The following DCC variants were observed in gnomAD, a reference collection of about 807,000 sequenced individuals.
DCC encodes the protein netrin receptor DCC.
DCC carries 58 observed loss-of-function variants against 172.5 expected under a neutral mutation model. The observed-to-expected ratio is 0.34, with a 90% CI of 0.27 to 0.42. The LOEUF (loss-of-function observed/expected upper bound fraction) is 0.42. DCC is among the 10% of genes least tolerant of loss of function. The probability of loss-of-function intolerance (pLI) is 1.00; values close to 1 mark genes in which losing one functional copy is unlikely to be tolerated. For missense variants in DCC, 1,740 were observed against 1,791.0 expected, an observed-to-expected ratio of 0.97 and a Z score of 0.51; for synonymous variants, 709 against 644.5, an observed-to-expected ratio of 1.10 and a Z score of -1.52.
intron 24 of DCC, among the ~76,000 whole-genome samples, chr18:53,466,513 T>C (rs1336545031): frequency 1.3e-5 from 2 of 152,104 alleles, no homozygotes; most frequent in Admixed American, 6.6e-5. Context: ...AGGAGTAATA[T>C]TTGCATAGTT....
chr18:53,045,234 A>G (rs1281534786), intron 5 of DCC, among the ~76,000 whole-genome samples: 1 of 151,900 alleles, frequency 6.6e-6, no homozygotes, highest in Non-Finnish European at 1.5e-5. Flanking sequence ...ATTACATAAA[A>G]CATTTCCTCA....
chr18:53,075,165 GC>G (rs768791105), intron 7 of DCC, among the ~76,000 whole-genome samples: 47 of 152,104 alleles, frequency 3.1e-4, no homozygotes, highest in Non-Finnish European at 5.7e-4. Context: ...TAGGTTTTTA[GC>G]CTAGTGGACA....
chr18:52,720,334 C>G (rs1420720201), intron 1 of DCC, among the ~76,000 whole-genome samples: 1 of 152,146 alleles, frequency 6.6e-6, no homozygotes. Flanking sequence ...GCGCTCTATG[C>G]TCATTTGTTG....
rs576639432 is a variant in DCC at position 53,383,004 on chromosome 18, A to G, written c.2360-3039A>G. ...TTGATATAAAACCCAGATACAGAAA[A>G]CCACATGCAACAAATGTGTAATTTA... On this transcript the variant is annotated intron_variant, in intron 15 of 28. Transcript: ENST00000442544. 1.8e-4 allele frequency among the ~76,000 whole-genome samples: 28 copies of G among 152,184 alleles called. 1 individual carries two copies. In the South Asian group the frequency reaches 5.8e-3, roughly 32 times the overall value.
At chr18:52,703,312 G>C (rs913680453) in intron 1 of DCC, among the ~76,000 whole-genome samples, 55 of 152,030 alleles carry the variant, frequency 3.6e-4, no homozygotes, top group Non-Finnish European at 6.8e-4. Context: ...GACGGAAAAG[G>C]CTCCTTCTTC....
chr18:53,413,126 T>C (rs933420354), intron 20 of DCC, among the ~76,000 whole-genome samples: 2 of 152,066 alleles, frequency 1.3e-5, no homozygotes, highest in African/African-American at 4.8e-5. Context: ...GCCTATCGGG[T>C]AATAGAGAGG....
In DCC at chr18:53,208,934, C is replaced by A. The variant is rs1206275956; in HGVS notation, c.1861+1117C>A. Among the ~76,000 whole-genome samples the A allele has an allele frequency of 2.0e-5, 3 of 152,160 alleles. No individual in the cohort carries two copies. In the East Asian group the frequency reaches 5.8e-4, roughly 30 times the overall value. On this transcript the variant is annotated intron_variant, in intron 11 of 28. Coordinates refer to ENST00000442544, the MANE Select transcript of DCC (RefSeq NM_005215.4). The stretch of plus-strand genomic sequence containing the variant: ...TTAGTAGAGACAGAGTTTCACCATG[C>A]TGAGCAGGCTGGTCTGGAACTCCTG...
chr18:53,264,988 G>A (rs2056655885), intron 12 of DCC, among the ~76,000 whole-genome samples: 1 of 152,140 alleles, frequency 6.6e-6, no homozygotes, highest in Non-Finnish European at 1.5e-5. Flanking sequence ...TTCAGTGTTT[G>A]CTGAGTGTTT....
chr18:53,248,608 T>C (rs1463648911), intron 12 of DCC, among the ~76,000 whole-genome samples: 1 of 152,012 alleles, frequency 6.6e-6, no homozygotes, highest in Non-Finnish European at 1.5e-5. Context: ...CTGGCTCCTG[T>C]CATGTGTGAC....
intron 1 of DCC, among the ~76,000 whole-genome samples, chr18:52,693,579 C>A (rs2035965580): frequency 2.0e-5 from 3 of 151,668 alleles, no homozygotes; most frequent in African/African-American, 7.2e-5. Context: ...ACAAGTATAT[C>A]CAATGCCTCA....
At chr18:52,695,618 C>A (rs1196756943) in intron 1 of DCC, among the ~76,000 whole-genome samples, 1 of 152,038 alleles carries the variant, frequency 6.6e-6, no homozygotes, top group African/African-American at 2.4e-5. Flanking sequence ...CTGGGGGTAC[C>A]AAAGTGGGAG....
chr18:53,450,308 C>T (rs1001912088), intron 22 of DCC, among the ~76,000 whole-genome samples, 192 bp from the exon 23 acceptor site: 1 of 151,972 alleles, frequency 6.6e-6, no homozygotes, highest in Non-Finnish European at 1.5e-5. Context: ...TTTGTGCAGG[C>T]ATAGGTTTTT....
At chr18:52,790,159 C>T (rs1455818344) in intron 2 of DCC, among the ~76,000 whole-genome samples, 16 of 152,114 alleles carry the variant, frequency 1.1e-4, no homozygotes, top group Non-Finnish European at 2.1e-4. Context: ...CACGTGGTTA[C>T]AGGTATTGCT....
intron 2 of DCC, among the ~76,000 whole-genome samples, chr18:52,760,888 C>T (rs764618290): frequency 5.3e-5 from 8 of 152,188 alleles, no homozygotes; most frequent in African/African-American, 1.7e-4. Flanking sequence ...TAAACGTCTA[C>T]TGTCATAAGC....
chr18:52,436,367 T>A (rs566199055), intron 1 of DCC, among the ~76,000 whole-genome samples: 1 of 152,338 alleles, frequency 6.6e-6, no homozygotes, highest in East Asian at 1.9e-4. Context: ...GAATGACTCC[T>A]GGATGCTAGG....
intron 1 of DCC, among the ~76,000 whole-genome samples, chr18:52,461,337 A>AC (rs957377356): frequency 6.6e-6 from 1 of 151,886 alleles, no homozygotes; most frequent in Non-Finnish European, 1.5e-5. Flanking sequence ...CTTTGGGAAT[A>AC]CCCCCCGAAG....
rs1422584149 is a variant in DCC, at chr18:52,927,125, ACACG to A, written c.985+1756_985+1759del. ...TATATACACGTATATACGTGTATAT[ACACG>A]TATATACGTGTATATATGTGTATAT... On this transcript the variant is annotated intron_variant, in intron 5 of 28. Coordinates refer to ENST00000442544, the MANE Select transcript of DCC (RefSeq NM_005215.4). Among the ~76,000 whole-genome samples, 27 of 91,982 alleles carry A rather than the reference ACACG, an allele frequency of 2.9e-4. 3 individuals carry two copies. Among genetic ancestry groups the A allele is most frequent in the South Asian group, 6.7e-4 (2 of 3,000 alleles). 60.3% of individuals were successfully genotyped at this position (91,982 alleles called of 152,430 possible).
intron 3 of DCC, among the ~76,000 whole-genome samples, chr18:52,922,769 C>T (rs1266047023): frequency 6.6e-6 from 1 of 152,038 alleles, no homozygotes; most frequent in Non-Finnish European, 1.5e-5. Flanking sequence ...TTTGGTGTGT[C>T]CCCAGGCATT....
intron 12 of DCC, among the ~76,000 whole-genome samples, chr18:53,297,478 TC>T (rs1237405829): frequency 2.6e-5 from 4 of 152,346 alleles, no homozygotes; most frequent in Admixed American, 6.5e-5. Context: ...GATTAATTTC[TC>T]CCTCTCAAGT....
Sources: gnomAD v4.1 joint callset for allele counts (sites outside exome capture counted in the v4.1 genomes callset) on GRCh38, gnomAD v4.1.1 for gene constraint, MANE v1.5 for transcripts, NCBI Gene and HGNC (gene_info 2026-07-23, HGNC 2026-07-21) for gene names.